ZNF35: variants seen among roughly 807,000 people sequenced by gnomAD.
ZNF35 encodes the protein zinc finger protein 35 (clone HF.10).
In ZNF35, 31 loss-of-function variants were observed where a neutral mutation model predicts 45.9. That is an observed-to-expected ratio of 0.68 (90% CI 0.51 to 0.91). The LOEUF is 0.91. Ranked by LOEUF, ZNF35 falls within the 40% of genes least tolerant of loss-of-function variation. The pLI is 0.00. For missense variants in ZNF35, 515 were observed against 625.4 expected (o/e 0.82, Z 1.88); for synonymous variants, 205 against 220.2 (o/e 0.93, Z 0.61).
In ZNF35 at chr3:44,651,132, A is replaced by G. The variant is rs760356037; in HGVS notation, c.65A>G (p.Glu22Gly). Residue 22 changes from glutamate (E) to glycine (G), a missense_variant, in exon 2 of 4, where the codon GAG becomes GGG. Physicochemically the swap from Glu to Gly is moderately conservative, Grantham distance 98 (BLOSUM62 -2). Coordinates refer to ENST00000396056, the MANE Select transcript of ZNF35 (RefSeq NM_003420.4). Reference sequence around the variant, plus strand: ...TGGGGCCCAGTGAAGGTGAAAAAGGAGGAGGAAGAAGAAGAAAACTTCCCA... The same window carrying G: ...TGGGGCCCAGTGAAGGTGAAAAAGGGGGAGGAAGAAGAAGAAAACTTCCCA... ...APWGPVKVKK[E>G]EEEEENFPGQ... 4 of 1,613,730 alleles carry G rather than the reference A, an allele frequency of 2.5e-6. No homozygotes were observed. The Admixed American group carries it at 6.7e-5, about 27-fold the overall frequency.
At chr3:44,647,214 G>T (rs1197897225), upstream of ZNF35, 1 of 151,690 alleles carries the variant, frequency 6.6e-6, no homozygotes, top group Non-Finnish European at 1.5e-5. Flanking sequence ...CAAATGAAAA[G>T]ATGTTCAACA....
chr3:44,656,948 C>T (rs562754806), intron 3 of ZNF35, among the ~76,000 whole-genome samples: 1 of 152,176 alleles, frequency 6.6e-6, no homozygotes, highest in Non-Finnish European at 1.5e-5. Context: ...CTGCCTGCCT[C>T]AGCCTCCCGA....
In ZNF35 at chr3:44,652,581, G is replaced by T; in HGVS notation, c.217G>T (p.Ala73Ser). ...GGGTCAGAACATATCCTGGGATATG[G>T]CGGTAGTCCTGAAAGCAACTCAGGA... ...EKGQNISWDM[A>S]VVLKATQEAP... Residue 73 changes from alanine to serine, a missense_variant, in exon 3 of 4, where the codon GCG becomes TCG. Physicochemically the swap from Ala to Ser is moderately conservative, Grantham distance 99 (BLOSUM62 1). Around this residue, in one of 3 missense-constraint regions of ZNF35, gnomAD observed 275 missense variants for 295.7 expected, o/e 0.93. Transcript: ENST00000396056. 1 of 1,608,456 alleles carries T rather than the reference G, an allele frequency of 6.2e-7. No homozygotes were observed. Among genetic ancestry groups the T allele is most frequent in the South Asian group, 1.1e-5 (1 of 89,654 alleles).
At position 44,651,023 on chromosome 3, in the gene ZNF35, C is replaced by T; in HGVS notation, c.-45C>T. On this transcript the variant is annotated 5_prime_UTR_variant, in exon 2 of 4. Coordinates refer to ENST00000396056, the MANE Select transcript of ZNF35 (RefSeq NM_003420.4). ...AAGCTTGGATGGGGTTTGACCTCTG[C>T]AGGGCAGCGCCCAGCTATAGGAGTT... The T allele has an allele frequency of 6.3e-7, 1 of 1,585,300 alleles. No individual in the cohort carries two copies. The highest frequency in any genetic ancestry group is 8.6e-7 in the Non-Finnish European group (1 of 1,167,006).
chr3:44,659,507 C>G lies in ZNF35; in HGVS notation c.1144C>G (p.Arg382Gly). Residue 382 changes from arginine to glycine, a missense_variant, in exon 4 of 4, where the codon CGA (arginine) becomes GGA (glycine). Physicochemically the swap from Arg to Gly is moderately radical, Grantham distance 125. Coordinates refer to ENST00000396056, the MANE Select transcript of ZNF35 (RefSeq NM_003420.4). This position sits in a 1 kb window ranked among gnomAD's most constrained non-coding sequence, Gnocchi z 4.3. ...TQSANLIVHQ[R>G]SHTGEKPYEC... Reference sequence around the variant, plus strand: ...GAGTGCAAATCTTATTGTACATCAGCGAAGCCATACTGGTGAGAAGCCATA... The same window carrying G: ...GAGTGCAAATCTTATTGTACATCAGGGAAGCCATACTGGTGAGAAGCCATA... The G allele has an allele frequency of 6.2e-7, 1 of 1,613,172 alleles. No homozygotes were observed. The highest frequency in any genetic ancestry group is 8.5e-7 in the Non-Finnish European group (1 of 1,179,804).
chr3:44,652,832 G>A, intron 3 of ZNF35, 131 bp downstream of exon 3: 1 of 962,524 alleles, frequency 1.0e-6, no homozygotes. Flanking sequence ...CAGGAAAGCT[G>A]GAAAGAGGAA....
At chr3:44,646,796 C>T, upstream of ZNF35, 1 of 377,586 alleles carries the variant, frequency 2.6e-6, no homozygotes, top group Non-Finnish European at 4.8e-6. Context: ...GAAATAGACT[C>T]ACATAAATGG....
intron 3 of ZNF35, among the ~76,000 whole-genome samples, chr3:44,656,638 C>A (rs112559034): frequency 6.6e-6 from 1 of 150,678 alleles, no homozygotes; most frequent in Non-Finnish European, 1.5e-5. Flanking sequence ...GGTGATCCAC[C>A]CGTTTCAGCC....
chr3:44,652,195 C>G (rs969008146), intron 2 of ZNF35, among the ~76,000 whole-genome samples: 1 of 152,148 alleles, frequency 6.6e-6, no homozygotes, highest in Non-Finnish European at 1.5e-5. Flanking sequence ...GAGGTTCCCC[C>G]AGAGCCTTTC....
chr3:44,658,588 A>G, intron 3 of ZNF35, 113 bp from the exon 4 acceptor site: 1 of 1,165,632 alleles, frequency 8.6e-7, no homozygotes, highest in Non-Finnish European at 1.2e-6. Flanking sequence ...TTCTTTGATG[A>G]AGCCATTTTG....
intron 1 of ZNF35, among the ~76,000 whole-genome samples, chr3:44,650,134 ATTAC>A (rs1195969937): frequency 6.6e-6 from 1 of 151,876 alleles, no homozygotes; most frequent in Non-Finnish European, 1.5e-5. Context: ...ATATTTCTGT[ATTAC>A]TTGATCCTTT....
chr3:44,656,151 CAG>C (rs1395712697), intron 3 of ZNF35, among the ~76,000 whole-genome samples: 2 of 151,976 alleles, frequency 1.3e-5, no homozygotes, highest in Non-Finnish European at 2.9e-5. Context: ...AAAAGAAAAA[CAG>C]AAGAGGCATG....
chr3:44,658,138 T>G (rs1282765100), intron 3 of ZNF35, among the ~76,000 whole-genome samples: 1 of 152,224 alleles, frequency 6.6e-6, no homozygotes, highest in African/African-American at 2.4e-5. Flanking sequence ...CATATGGTTT[T>G]GGCTGCTGTG....
At position 44,659,908 on chromosome 3, in the gene ZNF35, A is replaced by T. The variant is rs1559485565; in HGVS notation, c.1545A>T (p.Ser515=). Residue 515 remains serine, a synonymous_variant, in exon 4 of 4, where the codon TCA becomes TCT. Coordinates refer to ENST00000396056, the MANE Select transcript of ZNF35 (RefSeq NM_003420.4). The surrounding 1 kb of genome is among the most constrained non-coding windows in gnomAD (Gnocchi z 4.3). ...GTGGTGCAGCTTTCATTTCCAACTC[A>T]CACCTCATGCGACACCATAGAACCC... ...EKCGAAFISN[S]HLMRHHRTHL... The T allele has an allele frequency of 6.3e-7, 1 of 1,589,936 alleles. No individual in the cohort carries two copies. Among genetic ancestry groups the T allele is most frequent in the Non-Finnish European group, 8.6e-7 (1 of 1,167,778 alleles).
Position 44,659,051 on chromosome 3 carries a change from G to A in ZNF35, c.688G>A (p.Gly230Arg), listed in dbSNP as rs1459771457. ...TTTTACGTGTAGCGTGTGTGGGAAA[G>A]GATTTAGTCAGAGTGCAAACCTCGT... ...KPFTCSVCGK[G>R]FSQSANLVVH... Residue 230 changes from glycine (G) to arginine (R), a missense_variant, in exon 4 of 4, where the codon GGA (glycine) becomes AGA (arginine). This residue lies in a region of ZNF35 where 275 missense variants were observed against 295.7 expected (regional missense o/e 0.93). Coordinates refer to ENST00000396056, the MANE Select transcript of ZNF35 (RefSeq NM_003420.4). This position sits in a 1 kb window ranked among gnomAD's most constrained non-coding sequence, Gnocchi z 4.3. The A allele has an allele frequency of 1.2e-6, 2 of 1,614,116 alleles. No homozygotes were observed. The highest frequency in any genetic ancestry group is 1.6e-4 in the Middle Eastern group (1 of 6,084).
In ZNF35 at chr3:44,660,017, C is replaced by G; in HGVS notation, c.*70C>G. The G allele has an allele frequency of 6.9e-7, 1 of 1,445,170 alleles. No individual in the cohort carries two copies. The highest frequency in any genetic ancestry group is 9.2e-7 in the Non-Finnish European group (1 of 1,083,416). The allele number at this position is 1,445,170 out of a possible 1,614,324, so 89.5% of individuals were successfully genotyped here. A position where few individuals can be genotyped will look rare whatever the true frequency, so the allele number is the denominator to read the frequency against. The stretch of plus-strand genomic sequence containing the variant: ...GCCTCCCTAATGAGACACCTCTTTG[C>G]TGTTTTCTTCCTCCTCTATAAAAGT... On this transcript the variant is annotated 3_prime_UTR_variant, in exon 4 of 4. Transcript: ENST00000396056.
chr3:44,659,605 A>G lies in ZNF35; in HGVS notation c.1242A>G (p.Ala414=). 6.2e-7 allele frequency: 1 copy of G among 1,614,114 alleles called. No homozygotes were observed. Among genetic ancestry groups the G allele is most frequent in the African/African-American group, 1.3e-5 (1 of 75,030 alleles). Reference sequence around the variant, plus strand: ...TTGTGCACCAGAGAATTCACACTGCAGAGAAACCTTACGACTGCAGCGAAT... The same window carrying G: ...TTGTGCACCAGAGAATTCACACTGCGGAGAAACCTTACGACTGCAGCGAAT... The part of the protein sequence containing the change: ...HLIVHQRIHT[A]EKPYDCSECG... The change falls in exon 4 of 4, where the codon GCA becomes GCG. Residue 414 remains alanine (A), a synonymous_variant. Coordinates refer to ENST00000396056, the MANE Select transcript of ZNF35 (RefSeq NM_003420.4). The surrounding 1 kb of genome is among the most constrained non-coding windows in gnomAD (Gnocchi z 4.3).
In ZNF35 at chr3:44,659,617, C is replaced by T. The variant is rs374839509; in HGVS notation, c.1254C>T (p.Tyr418=). The change falls in exon 4 of 4, where the codon TAC becomes TAT. Residue 418 remains tyrosine (Y), a synonymous_variant. Transcript: ENST00000396056. The surrounding 1 kb of genome is among the most constrained non-coding windows in gnomAD (Gnocchi z 4.3). ...HQRIHTAEKP[Y]DCSECGKAFS... ...GAATTCACACTGCAGAGAAACCTTA[C>T]GACTGCAGCGAATGTGGGAAAGCCT... 5.2e-5 allele frequency: 84 copies of T among 1,613,840 alleles called. No homozygotes were observed. The Middle Eastern group carries it at 6.6e-4, about 13-fold the overall frequency.
intron 3 of ZNF35, among the ~76,000 whole-genome samples, chr3:44,657,803 C>T (rs1044421439): frequency 2.6e-5 from 4 of 152,176 alleles, no homozygotes; most frequent in African/African-American, 9.7e-5. Context: ...TAGCAGCTCC[C>T]CTCCCCTAAG....
Sources: gnomAD v4.1 joint callset for allele counts (sites outside exome capture counted in the v4.1 genomes callset) on GRCh38, gnomAD v4.1.1 for gene constraint, gnomAD v4.1.1 regional missense constraint, Gnocchi (gnomAD v3.1) non-coding constraint, MANE v1.5 for transcripts, NCBI Gene and HGNC (gene_info 2026-07-23, HGNC 2026-07-21) for gene names.